Variants in PRUNE2 observed in about 807,000 individuals in gnomAD.
PRUNE2 encodes the protein prune homolog 2 with BCH domain.
In PRUNE2, 164 loss-of-function variants were observed where a neutral mutation model predicts 252.0. The observed-to-expected ratio is 0.65, with a 90% CI of 0.57 to 0.74. The LOEUF is 0.74. Ranked by LOEUF, PRUNE2 falls within the 30% of genes least tolerant of loss-of-function variation. The pLI, the probability that PRUNE2 is intolerant of heterozygous loss-of-function variation, is 0.00. For missense variants in PRUNE2, 3,495 were observed against 3,711.0 expected, an observed-to-expected ratio of 0.94 and a Z score of 1.51; for synonymous variants, 1,292 against 1,350.2, an observed-to-expected ratio of 0.96 and a Z score of 0.94.
intron 1 of PRUNE2, among the ~76,000 whole-genome samples, chr9:76,867,862 C>T (rs1010121561): frequency 9.2e-5 from 14 of 152,126 alleles, no homozygotes; most frequent in Admixed American, 4.6e-4. Flanking sequence ...TGAGCCACTG[C>T]GCCCGGCCGG....
At chr9:76,858,012 T>C (rs772412738) in intron 1 of PRUNE2, among the ~76,000 whole-genome samples, 3 of 152,200 alleles carry the variant, frequency 2.0e-5, no homozygotes, top group Admixed American at 1.3e-4. Flanking sequence ...GTGCCCAATC[T>C]TAATACTGAT....
chr9:76,743,882 C>T, intron 6 of PRUNE2, among the ~76,000 whole-genome samples: 1 of 152,104 alleles, frequency 6.6e-6, no homozygotes, highest in East Asian at 1.9e-4. Flanking sequence ...AATATTTCTT[C>T]ATATATTTTG....
rs963532728 is a variant in PRUNE2 at position 76,851,391 on chromosome 9, CA to C, written c.142-727del. 4.6e-5 allele frequency among the ~76,000 whole-genome samples: 7 copies of C among 151,978 alleles called. No individual in the cohort carries two copies. In the East Asian group the frequency reaches 7.7e-4, roughly 17 times the overall value. ...TGAAACCCCATCTCTACTAAAAATA[CA>C]AAAAAATTAGCCGGGCATGGTGGCA... is the stretch of plus-strand genomic sequence containing the variant. On this transcript the variant is annotated intron_variant, in intron 2 of 18. Transcript: ENST00000376718.
rs147696460 is a variant in PRUNE2 at position 76,873,406 on chromosome 9, C to G, written c.37-19198G>C. Among the ~76,000 whole-genome samples the G allele has an allele frequency of 3.8e-3, 572 of 152,268 alleles. 4 individuals carry two copies. The highest frequency in any genetic ancestry group is 0.013 in the African/African-American group (534 of 41,548). On this transcript the variant is annotated intron_variant, in intron 1 of 18. Transcript: ENST00000376718. ...TCAGCTACACTCTGCCACTGTACTT[C>G]CCGAGGAAACCACCCAAAAGTGCCA...
intron 1 of PRUNE2, among the ~76,000 whole-genome samples, chr9:76,897,390 C>CTATTTTTTTTTTTTTTT (rs1564527202): frequency 1.8e-5 from 1 of 56,252 alleles, no homozygotes. Flanking sequence ...AGGCAAACCT[C>CTATTTTTTTTTTTTTTT]TTTTTTTTTT....
At chr9:76,614,875 T>TA (rs1453936365) in intron 18 of PRUNE2, among the ~76,000 whole-genome samples, 1 of 151,824 alleles carries the variant, frequency 6.6e-6, no homozygotes, top group Non-Finnish European at 1.5e-5. Flanking sequence ...AAAACTCATG[T>TA]AAAGGCTCAT....
intron 11 of PRUNE2, among the ~76,000 whole-genome samples, chr9:76,646,574 C>T (rs1265988624): frequency 6.6e-6 from 1 of 151,782 alleles, no homozygotes; most frequent in Non-Finnish European, 1.5e-5. Flanking sequence ...TGCAAATCCA[C>T]CCATCTCTTT....
chr9:76,643,829 G>A (rs928234442), intron 12 of PRUNE2, among the ~76,000 whole-genome samples: 3 of 152,126 alleles, frequency 2.0e-5, no homozygotes, highest in African/African-American at 7.2e-5. Flanking sequence ...TCAGCCTTCT[G>A]CTTGTTATAA....
chr9:76,851,427 A>G (rs1027286730), intron 2 of PRUNE2, among the ~76,000 whole-genome samples: 2 of 152,096 alleles, frequency 1.3e-5, no homozygotes, highest in Non-Finnish European at 2.9e-5. Flanking sequence ...AGGTATCTGT[A>G]GTCCCAGCTA....
intron 1 of PRUNE2, among the ~76,000 whole-genome samples, chr9:76,903,841 G>C (rs940292935): frequency 6.6e-6 from 1 of 152,170 alleles, no homozygotes; most frequent in Non-Finnish European, 1.5e-5. Context: ...ACCCGCCTCA[G>C]CCTCCCAAAG....
chr9:76,864,102 T>C (rs2060702627), intron 1 of PRUNE2, among the ~76,000 whole-genome samples: 2 of 152,204 alleles, frequency 1.3e-5, no homozygotes, highest in African/African-American at 2.4e-5. Context: ...CATGGAATGC[T>C]ACACAGACAT....
intron 3 of PRUNE2, among the ~76,000 whole-genome samples, chr9:76,848,187 C>A (rs1306051726): frequency 6.6e-6 from 1 of 152,182 alleles, no homozygotes; most frequent in Non-Finnish European, 1.5e-5. Context: ...TCGCCTGAAC[C>A]TCGGAGATGG....
intron 9 of PRUNE2, among the ~76,000 whole-genome samples, chr9:76,665,030 AT>A (rs1016308114): frequency 6.6e-6 from 1 of 151,774 alleles, no homozygotes; most frequent in African/African-American, 2.4e-5. Context: ...GTTCAAGTTC[AT>A]TTTTTTCATG....
chr9:76,625,029 C>T (rs1346128681), intron 16 of PRUNE2: 47 of 1,303,456 alleles, frequency 3.6e-5, no homozygotes, highest in Non-Finnish European at 4.8e-5. Flanking sequence ...TTACCTCACA[C>T]TTCTCTTATA....
rs2046282345 is a variant in PRUNE2, at chr9:76,705,958, C to T, written c.6316G>A (p.Asp2106Asn). Residue 2106 changes from aspartate (D) to asparagine (N), a missense_variant, in exon 8 of 19, where the codon GAT becomes AAT. By Grantham distance (23) the Asp-to-Asn change is conservative (BLOSUM62 1). Transcript: ENST00000376718. ...DSNSQASDSPDICHDSEAKQE... is the reference protein window; with the variant it reads ...DSNSQASDSPNICHDSEAKQE... ...TTTGCTTCAGAATCGTGACATATAT[C>T]AGGGCTGTCGGAAGCCTGAGAATTG... is the stretch of plus-strand genomic sequence containing the variant. The T allele has an allele frequency of 6.2e-7, 1 of 1,613,982 alleles. No homozygotes were observed. Among genetic ancestry groups the T allele is most frequent in the Non-Finnish European group, 8.5e-7 (1 of 1,179,888 alleles).
intron 9 of PRUNE2, among the ~76,000 whole-genome samples, chr9:76,670,467 G>T (rs1165361111): frequency 1.4e-4 from 21 of 151,794 alleles, no homozygotes; most frequent in Middle Eastern, 3.4e-3. Flanking sequence ...CGGCAGTGAG[G>T]CTGGGGGAGG....
chr9:76,839,268 G>A (rs11145099), intron 4 of PRUNE2, among the ~76,000 whole-genome samples: 28,100 of 152,052 alleles, frequency 0.18, 3,350 homozygotes, highest in African/African-American at 0.32. Flanking sequence ...GCCAGGTACT[G>A]TTCTAGGTAC....
At chr9:76,629,114 A>T (rs1276370880) in intron 16 of PRUNE2, 78 bp downstream of exon 16, 1 of 839,252 alleles carries the variant, frequency 1.2e-6, no homozygotes, top group Non-Finnish European at 1.9e-6. Context: ...AAGTGCTAGG[A>T]TTACAGGCGT....
chr9:76,655,660 A>G (rs953025761), intron 9 of PRUNE2, among the ~76,000 whole-genome samples, 158 bp from the exon 10 acceptor site: 1 of 152,214 alleles, frequency 6.6e-6, no homozygotes, highest in African/African-American at 2.4e-5. Context: ...CAAATTAAAG[A>G]CTTTCTGCAG....
Sources: allele counts gnomAD v4.1 joint callset (sites outside exome capture counted in the v4.1 genomes callset), GRCh38; gene constraint gnomAD v4.1.1; transcripts MANE v1.5; gene names NCBI Gene and HGNC (gene_info 2026-07-23, HGNC 2026-07-21).